The following ROBO2 variants were observed in gnomAD, a reference collection of about 807,000 sequenced individuals.
The protein encoded by ROBO2 is roundabout guidance receptor 2.
ROBO2 carries 53 observed loss-of-function variants against 160.8 expected under a neutral mutation model. That is an observed-to-expected ratio of 0.33 (90% CI 0.26 to 0.41). The LOEUF (loss-of-function observed/expected upper bound fraction) is 0.41, where lower values mean the gene tolerates loss of function less well. ROBO2 is among the 10% of genes least tolerant of loss of function. The pLI is 1.00. For missense variants in ROBO2, 1,577 were observed against 1,722.4 expected (o/e 0.92, Z 1.49); for synonymous variants, 664 against 611.7 (o/e 1.09, Z -1.26).
chr3:76,170,667 G>A (rs1387053985), intron 2 of ROBO2, among the ~76,000 whole-genome samples: 1 of 152,150 alleles, frequency 6.6e-6, no homozygotes, highest in Non-Finnish European at 1.5e-5. Flanking sequence ...CTTGAAAAAT[G>A]AGAATAGTAA....
intron 2 of ROBO2, among the ~76,000 whole-genome samples, chr3:77,196,175 A>G (rs1185487781): frequency 1.3e-5 from 2 of 152,214 alleles, no homozygotes; most frequent in Non-Finnish European, 2.9e-5. Flanking sequence ...CGCGGTGCTC[A>G]CCATGCTTTG....
At chr3:76,692,683 C>T (rs1470200016) in intron 2 of ROBO2, among the ~76,000 whole-genome samples, 1 of 152,006 alleles carries the variant, frequency 6.6e-6, no homozygotes, top group African/African-American at 2.4e-5. Flanking sequence ...TGGGAAGCCA[C>T]GTTTTCCAAG....
At chr3:77,259,262 G>A (rs1056760788) in intron 2 of ROBO2, among the ~76,000 whole-genome samples, 10 of 152,100 alleles carry the variant, frequency 6.6e-5, no homozygotes, top group Non-Finnish European at 1.3e-4. Flanking sequence ...AAGATTCATG[G>A]TCAGTGCTAA....
chr3:77,607,720 T>C (rs2094552268), intron 20 of ROBO2, 78 bp from the exon 22 acceptor site: 2 of 1,321,436 alleles, frequency 1.5e-6, no homozygotes, highest in Non-Finnish European at 2.2e-6. Context: ...TTTTGAAACA[T>C]AAATACACCT....
rs952362644 is a variant in ROBO2, at chr3:77,395,924, T to C, written c.389-81490T>C. 1.2e-4 allele frequency among the ~76,000 whole-genome samples: 18 copies of C among 150,308 alleles called. 1 individual carries two copies. The highest frequency in any genetic ancestry group is 1.0e-3 in the South Asian group (5 of 4,774). On this transcript the variant is annotated intron_variant, in intron 2 of 25. Transcript: ENST00000461745. The stretch of plus-strand genomic sequence containing the variant: ...GTTAGAGAATTCAGACCTGCCCCCC[T>C]TTTTTTTTAACTTAATTGTGGAAGC...
In ROBO2 at chr3:76,094,946, TG is replaced by T. The variant is rs546577214; in HGVS notation, c.109+157345del. On this transcript the variant is annotated intron_variant, in intron 2 of 26. Coordinates refer to the ROBO2 transcript ENST00000487694. ...TGGGACAACTGACTGATATGAAAAG[TG>T]ACTTCTGAGTTAGGTGGCGGTAAAG... Among the ~76,000 whole-genome samples, 23 of 152,288 alleles carry T rather than the reference TG, an allele frequency of 1.5e-4. No individual in the cohort carries two copies. The South Asian group carries it at 4.8e-3, about 32-fold the overall frequency.
chr3:77,232,863 T>C (rs183544489), intron 2 of ROBO2, among the ~76,000 whole-genome samples: 107 of 152,320 alleles, frequency 7.0e-4, no homozygotes, highest in Non-Finnish European at 1.3e-3. Context: ...TGCTCAAAAG[T>C]GTCTGTAGAT....
At chr3:77,387,199 G>A (rs1267904884) in intron 2 of ROBO2, among the ~76,000 whole-genome samples, 1 of 151,686 alleles carries the variant, frequency 6.6e-6, no homozygotes, top group Non-Finnish European at 1.5e-5. Context: ...GTGGGTGTGT[G>A]ATTTAGAATG....
At chr3:76,622,375 G>A (rs2089284650) in intron 2 of ROBO2, among the ~76,000 whole-genome samples, 1 of 152,160 alleles carries the variant, frequency 6.6e-6, no homozygotes, top group African/African-American at 2.4e-5. Flanking sequence ...TAAGGTGGGA[G>A]GATTGCTTGA....
intron 3 of ROBO2, among the ~76,000 whole-genome samples, chr3:77,478,268 T>A (rs2084280061): frequency 6.6e-6 from 1 of 152,234 alleles, no homozygotes; most frequent in Non-Finnish European, 1.5e-5. Context: ...GAAATTAATT[T>A]AAGGTGATGA....
chr3:76,059,601 G>A (rs1262236366), intron 2 of ROBO2, among the ~76,000 whole-genome samples: 1 of 151,942 alleles, frequency 6.6e-6, no homozygotes. Context: ...TCTGTAAGTT[G>A]CCTGTTCACT....
At chr3:76,340,742 A>T (rs1262769212) in intron 2 of ROBO2, among the ~76,000 whole-genome samples, 1 of 152,140 alleles carries the variant, frequency 6.6e-6, no homozygotes, top group African/African-American at 2.4e-5. Flanking sequence ...TGATGGATAA[A>T]TAAGATGTCA....
chr3:77,188,154 T>TA (rs988507232), intron 2 of ROBO2, among the ~76,000 whole-genome samples: 1 of 151,630 alleles, frequency 6.6e-6, no homozygotes, highest in African/African-American at 2.4e-5. Flanking sequence ...TCAGTGTTAC[T>TA]AAAAAAAAGA....
intron 2 of ROBO2, among the ~76,000 whole-genome samples, chr3:76,249,307 C>T (rs960947243): frequency 6.6e-6 from 1 of 151,948 alleles, no homozygotes; most frequent in African/African-American, 2.4e-5. Context: ...AGGACTTGAG[C>T]GGTTAAAACT....
chr3:77,357,962 C>T (rs1260843143), intron 2 of ROBO2, among the ~76,000 whole-genome samples: 1 of 152,090 alleles, frequency 6.6e-6, no homozygotes, highest in African/African-American at 2.4e-5. Flanking sequence ...ACTGGTAGTT[C>T]AAGCATAAGA....
intron 2 of ROBO2, among the ~76,000 whole-genome samples, chr3:76,351,330 AATT>A (rs538877314): frequency 2.4e-4 from 36 of 152,056 alleles, no homozygotes; most frequent in African/African-American, 8.7e-4. Flanking sequence ...GGTAAATAAT[AATT>A]GTCTATGTTA....
chr3:77,024,055 T>A (rs1191179087), intron 2 of ROBO2, among the ~76,000 whole-genome samples: 1 of 152,180 alleles, frequency 6.6e-6, no homozygotes, highest in Non-Finnish European at 1.5e-5. Context: ...GTAGATCGTG[T>A]ATATATGTGA....
intron 2 of ROBO2, among the ~76,000 whole-genome samples, chr3:76,015,707 G>T (rs2066387505): frequency 6.6e-6 from 1 of 152,148 alleles, no homozygotes; most frequent in Admixed American, 6.5e-5. Flanking sequence ...TTCTTTCTGT[G>T]CATTGGAAGA....
intron 2 of ROBO2, among the ~76,000 whole-genome samples, chr3:76,738,572 A>G (rs937320162): frequency 5.3e-5 from 8 of 152,160 alleles, no homozygotes; most frequent in Admixed American, 3.3e-4. Context: ...AGAGATACCA[A>G]TTCTGCCCCC....
Sources: allele counts gnomAD v4.1 joint callset (sites outside exome capture counted in the v4.1 genomes callset), GRCh38; gene constraint gnomAD v4.1.1; transcripts MANE v1.5; gene names NCBI Gene and HGNC (gene_info 2026-07-23, HGNC 2026-07-21).